KIRREL3: variants seen among roughly 807,000 people sequenced by gnomAD.
The protein encoded by KIRREL3 is kirre like nephrin family adhesion molecule 3.
KIRREL3 carries 36 observed loss-of-function variants against 89.7 expected under a neutral mutation model. The observed-to-expected ratio is 0.40, with a 90% confidence interval of 0.31 to 0.53. The LOEUF (loss-of-function observed/expected upper bound fraction) is 0.53. Ranked by LOEUF, KIRREL3 falls within the 20% of genes least tolerant of loss-of-function variation. The pLI is 0.49. For missense variants in KIRREL3, 864 were observed against 1,056.6 expected, an observed-to-expected ratio of 0.82 and a Z score of 2.53; for synonymous variants, 445 against 441.4, an observed-to-expected ratio of 1.01 and a Z score of -0.10.
At chr11:126,426,033 A>G (rs948955323) in intron 15 of KIRREL3, among the ~76,000 whole-genome samples, 2 of 152,254 alleles carry the variant, frequency 1.3e-5, no homozygotes, top group African/African-American at 2.4e-5. Context: ...GGCTGATTCA[A>G]TTCCATTGAC....
chr11:126,585,077 G>A (rs1347732007), intron 1 of KIRREL3, among the ~76,000 whole-genome samples: 1 of 151,628 alleles, frequency 6.6e-6, no homozygotes, highest in Non-Finnish European at 1.5e-5. Context: ...CCGCCACCAC[G>A]CCCGGCTAAT....
rs1939604611 is a variant in KIRREL3, at chr11:126,555,129, G to A, written c.133+7706C>T. 6.6e-6 allele frequency among the ~76,000 whole-genome samples: 1 copy of A among 152,188 alleles called. No individual in the cohort carries two copies. The highest frequency in any genetic ancestry group is 2.4e-5 in the African/African-American group (1 of 41,430). The stretch of plus-strand genomic sequence containing the variant: ...CACTGGACAAGAAGCTGGGTGCCGA[G>A]AGGGCAGGAGCTTGGACACTGCTGT... On this transcript the variant is annotated intron_variant, in intron 2 of 16. Coordinates refer to ENST00000525144, the MANE Select transcript of KIRREL3 (RefSeq NM_032531.4). The surrounding 1 kb of genome is among the most constrained non-coding windows in gnomAD (Gnocchi z 4.2).
intron 1 of KIRREL3, among the ~76,000 whole-genome samples, chr11:126,857,358 G>A (rs574991559): frequency 5.3e-5 from 8 of 152,348 alleles, no homozygotes; most frequent in African/African-American, 1.9e-4. Context: ...AACAGGAATT[G>A]CTTGGCAGTT....
chr11:126,838,708 G>A (rs1240343394), intron 1 of KIRREL3, among the ~76,000 whole-genome samples: 1 of 152,164 alleles, frequency 6.6e-6, no homozygotes, highest in Non-Finnish European at 1.5e-5. Flanking sequence ...TATTATCTCA[G>A]ACAGTGGTAA....
chr11:126,986,213 G>T (rs512159), intron 1 of KIRREL3, among the ~76,000 whole-genome samples: 111,423 of 152,020 alleles, frequency 0.73, 41,967 homozygotes, highest in African/African-American at 0.93. Flanking sequence ...CCATTGGTGA[G>T]TTGGGTTGAA....
At chr11:126,497,279 GGT>G (rs1247322607) in intron 4 of KIRREL3, among the ~76,000 whole-genome samples, 5 of 151,192 alleles carry the variant, frequency 3.3e-5, no homozygotes, top group Non-Finnish European at 7.4e-5. Flanking sequence ...TGTGTGACAG[GGT>G]GTGTGTGTGA....
chr11:126,833,593 A>C (rs112373812), intron 1 of KIRREL3, among the ~76,000 whole-genome samples: 2,054 of 152,332 alleles, frequency 0.013, 49 homozygotes, highest in African/African-American at 0.047. Flanking sequence ...CTGAAACATG[A>C]AAATTGGAAT....
chr11:126,816,654 G>A (rs1239500554), intron 1 of KIRREL3, among the ~76,000 whole-genome samples: 6 of 152,200 alleles, frequency 3.9e-5, no homozygotes, highest in Non-Finnish European at 7.3e-5. Context: ...AAAGTTCCAA[G>A]GATACTATTT....
At chr11:126,445,237 G>C in intron 9 of KIRREL3, 132 bp from the exon 10 acceptor site, 1 of 1,229,756 alleles carries the variant, frequency 8.1e-7, no homozygotes, top group Non-Finnish European at 1.1e-6. Context: ...GAAGCAAGGT[G>C]GGGAGGAAAG....
chr11:126,591,971 C>T (rs574177519), intron 1 of KIRREL3, among the ~76,000 whole-genome samples: 84 of 152,300 alleles, frequency 5.5e-4, no homozygotes, highest in African/African-American at 1.8e-3. Flanking sequence ...CCAACAGCTC[C>T]CACCCCTATC....
intron 1 of KIRREL3, among the ~76,000 whole-genome samples, chr11:126,721,858 T>C (rs1948185730): frequency 6.6e-6 from 1 of 152,298 alleles, no homozygotes; most frequent in South Asian, 2.1e-4. Flanking sequence ...GTCCCTGACA[T>C]AGGACAGCTC....
chr11:126,936,573 CA>C (rs1394886457), intron 1 of KIRREL3: 3 of 141,854 alleles, frequency 2.1e-5, no homozygotes, highest in Admixed American at 2.1e-4. Context: ...AAAAAAAAAG[CA>C]AATGCATATT....
chr11:126,679,000 C>A (rs1266734096), intron 1 of KIRREL3, among the ~76,000 whole-genome samples: 1 of 152,212 alleles, frequency 6.6e-6, no homozygotes, highest in Non-Finnish European at 1.5e-5. Context: ...AAGTTCTGAC[C>A]AATGAGATGT....
At chr11:126,659,310 G>T (rs1945290042) in intron 1 of KIRREL3, among the ~76,000 whole-genome samples, 1 of 152,174 alleles carries the variant, frequency 6.6e-6, no homozygotes, top group Non-Finnish European at 1.5e-5. Context: ...AGGATTAAGA[G>T]AATTCAATGA....
intron 1 of KIRREL3, among the ~76,000 whole-genome samples, chr11:126,825,025 T>C (rs866148443): frequency 2.6e-5 from 4 of 152,320 alleles, no homozygotes; most frequent in Middle Eastern, 3.4e-3. Context: ...ATTTGACTGA[T>C]GCAGTTCCCA....
In KIRREL3 at chr11:126,842,262, C is replaced by T. The variant is rs568601195; in HGVS notation, c.55+158193G>A. Among the ~76,000 whole-genome samples, 137 of 152,294 alleles carry T rather than the reference C, an allele frequency of 9.0e-4. 2 individuals are homozygous for T. The highest frequency in any genetic ancestry group is 3.0e-3 in the African/African-American group (125 of 41,556). On this transcript the variant is annotated intron_variant, in intron 1 of 16. Coordinates refer to ENST00000525144, the MANE Select transcript of KIRREL3 (RefSeq NM_032531.4). ...ATCAGGTCCAGTCTGTCCCTTTCCA[C>T]ATGGATGCCCCTGCTCAATCGGCCA... is the stretch of plus-strand genomic sequence containing the variant.
intron 1 of KIRREL3, among the ~76,000 whole-genome samples, chr11:126,633,126 G>T (rs1226356677): frequency 6.6e-6 from 1 of 152,040 alleles, no homozygotes; most frequent in Non-Finnish European, 1.5e-5. Context: ...TTAAAATCCA[G>T]TCTAAGCACT....
At chr11:126,827,207 T>C (rs186973763) in intron 1 of KIRREL3, among the ~76,000 whole-genome samples, 2 of 151,790 alleles carry the variant, frequency 1.3e-5, no homozygotes, top group East Asian at 3.9e-4. Context: ...AGATGGAGTC[T>C]CGCTCTGTTG....
In KIRREL3 at chr11:126,736,958, T is replaced by C. The variant is rs1028164869; in HGVS notation, c.56-174046A>G. Among the ~76,000 whole-genome samples, 1 of 152,218 alleles carries C rather than the reference T, an allele frequency of 6.6e-6. No individual in the cohort carries two copies. The highest frequency in any genetic ancestry group is 2.4e-5 in the African/African-American group (1 of 41,468). On this transcript the variant is annotated intron_variant, in intron 1 of 16. Coordinates refer to ENST00000525144, the MANE Select transcript of KIRREL3 (RefSeq NM_032531.4). This position sits in a 1 kb window ranked among gnomAD's most constrained non-coding sequence, Gnocchi z 5.0. ...GTTTTCCAGGGAGCCAGCAATTGGT[T>C]ACATCAGAAAACTTTATTCTCAGGG...
Sources: gnomAD v4.1 joint callset for allele counts (sites outside exome capture counted in the v4.1 genomes callset) on GRCh38, gnomAD v4.1.1 for gene constraint, Gnocchi (gnomAD v3.1) non-coding constraint, MANE v1.5 for transcripts, NCBI Gene and HGNC (gene_info 2026-07-23, HGNC 2026-07-21) for gene names.